Variants in GGA3 observed in about 807,000 individuals in gnomAD.
The protein encoded by GGA3 is golgi associated, gamma adaptin ear containing, ARF binding protein 3, also known as ADP-ribosylation factor-binding protein GGA3.
GGA3 carries 57 observed loss-of-function variants against 77.5 expected under a neutral mutation model. That is an observed-to-expected ratio of 0.74 (90% CI 0.59 to 0.92). The LOEUF (loss-of-function observed/expected upper bound fraction) is 0.92. Among genes scored for constraint, GGA3 ranks in the 40% least tolerant of loss-of-function variants. The probability of loss-of-function intolerance (pLI) is 0.00; values close to 1 mark genes in which losing one functional copy is unlikely to be tolerated. For missense variants in GGA3, 970 were observed against 914.9 expected (o/e 1.06, Z -0.78); for synonymous variants, 416 against 383.7 (o/e 1.08, Z -0.98).
intron 12 of GGA3, 65 bp from the exon 13 acceptor site, chr17:75,240,173 C>A (rs1056657482): frequency 1.5e-6 from 2 of 1,328,524 alleles, no homozygotes; most frequent in Admixed American, 4.0e-5. Context: ...TGGAACGGGG[C>A]GCAGCCCTCC....
In GGA3 at chr17:75,238,900, G is replaced by A. The variant is rs922980600; in HGVS notation, c.1950+14C>T. The A allele has an allele frequency of 6.2e-7, 1 of 1,612,874 alleles. No homozygotes were observed. Among genetic ancestry groups the A allele is most frequent in the South Asian group, 1.1e-5 (1 of 91,012 alleles). On this transcript the variant is annotated intron_variant, in intron 15 of 16. Transcript: ENST00000537686. Reference sequence around the variant, plus strand: ...CAAGATAAGGCCGTTTTGGCCCCAGGGAGACACTGGTACCTTGGGCACTGC... The same window carrying A: ...CAAGATAAGGCCGTTTTGGCCCCAGAGAGACACTGGTACCTTGGGCACTGC...
chr17:75,247,066 A>C (rs1197315362), intron 1 of GGA3, among the ~76,000 whole-genome samples: 1 of 152,206 alleles, frequency 6.6e-6, no homozygotes, highest in Admixed American at 6.5e-5. Flanking sequence ...GAGTGGAATC[A>C]AGGTCAAAAG....
Position 75,241,602 on chromosome 17 carries a change from C to T in GGA3, c.829+13G>A, listed in dbSNP as rs779162117. ...ATGCCTGGCTTATCCCTGACCGTCG[C>T]TCTTTCACTCACCCAAACTGTTATC... On this transcript the variant is annotated intron_variant, in intron 9 of 16. Transcript: ENST00000537686. 11 of 1,613,158 alleles carry T rather than the reference C, an allele frequency of 6.8e-6. No homozygotes were observed. Among genetic ancestry groups the T allele is most frequent in the African/African-American group, 1.3e-5 (1 of 74,918 alleles).
chr17:75,261,651 G>A, upstream of GGA3: 2 of 1,438,380 alleles, frequency 1.4e-6, no homozygotes, highest in South Asian at 1.4e-5. Context: ...GAGACGGGGC[G>A]GGGCCTGCAT....
rs1306784909 is a variant in GGA3 at position 75,259,812 on chromosome 17, T to C, written c.40+1736A>G. ...ACTGTGAAGCTTATGTCTCTACAGA[T>C]ACCATGTGACTCCCCCCCACCAAGT... On this transcript the variant is annotated intron_variant, in intron 1 of 16. Transcript: ENST00000537686. 2.0e-5 allele frequency among the ~76,000 whole-genome samples: 3 copies of C among 152,154 alleles called. No individual in the cohort carries two copies. The East Asian group carries it at 5.8e-4, about 29-fold the overall frequency.
In GGA3 at chr17:75,238,095, T is replaced by C; in HGVS notation, c.*184A>G. 5 of 1,395,224 alleles carry C rather than the reference T, an allele frequency of 3.6e-6. No individual in the cohort carries two copies. Among genetic ancestry groups the C allele is most frequent in the Admixed American group, 3.1e-5 (1 of 32,560 alleles). The allele number at this position is 1,395,224 out of a possible 1,614,324, so 86.4% of individuals were successfully genotyped here. A position where few individuals can be genotyped will look rare whatever the true frequency, so the allele number is the denominator to read the frequency against. Reference sequence around the variant, plus strand: ...ACAGGTAGATAAAAACAGGTCCTTTTAGGGGCCAAAGGAGAGGTTATCACA... The same window carrying C: ...ACAGGTAGATAAAAACAGGTCCTTTCAGGGGCCAAAGGAGAGGTTATCACA... On this transcript the variant is annotated 3_prime_UTR_variant, in exon 17 of 17. Coordinates refer to ENST00000537686, the MANE Select transcript of GGA3 (RefSeq NM_138619.4).
rs745696384 is a variant in GGA3 at position 75,238,530 on chromosome 17, C to T, written c.2061+122G>A. The T allele has an allele frequency of 4.1e-6, 4 of 965,770 alleles. No homozygotes were observed. In the East Asian group the frequency reaches 9.7e-5, roughly 23 times the overall value. 59.8% of individuals were successfully genotyped at this position (965,770 alleles called of 1,614,324 possible). On this transcript the variant is annotated intron_variant, in intron 16 of 16. Transcript: ENST00000537686. ...CCATGCTCAGACACTTAACCTAAGG[C>T]AGCAAAGGGATGTGTCAATCCTACA...
intron 1 of GGA3, among the ~76,000 whole-genome samples, chr17:75,257,376 TGTTTACACTGCTG>T (rs2077193452): frequency 6.6e-6 from 1 of 150,896 alleles, no homozygotes; most frequent in Non-Finnish European, 1.5e-5. Context: ...GCCCTGCTCT[TGTTTACACTGCTG>T]GTTTACACTG....
chr17:75,258,161 T>TA (rs1037802272), intron 1 of GGA3, among the ~76,000 whole-genome samples: 4 of 152,212 alleles, frequency 2.6e-5, no homozygotes, highest in African/African-American at 9.6e-5. Context: ...GAACTAATGA[T>TA]AATCCACCAC....
chr17:75,250,225 C>T (rs2076913598), intron 1 of GGA3, among the ~76,000 whole-genome samples: 1 of 152,240 alleles, frequency 6.6e-6, no homozygotes, highest in South Asian at 2.1e-4. Flanking sequence ...CCGAGCTTCC[C>T]CTATAGACCT....
intron 13 of GGA3, 71 bp downstream of exon 13, chr17:75,239,718 C>A: frequency 6.4e-7 from 1 of 1,570,204 alleles, no homozygotes; most frequent in Non-Finnish European, 8.8e-7. Flanking sequence ...CCCACCCCTT[C>A]AAAGTTAGCT....
At chr17:75,260,697 A>T (rs563179626) in intron 1 of GGA3, among the ~76,000 whole-genome samples, 2 of 152,192 alleles carry the variant, frequency 1.3e-5, no homozygotes, top group African/African-American at 4.8e-5. Flanking sequence ...CACTTAAAGG[A>T]GGCTTCCAGG....
Position 75,237,721 on chromosome 17 carries a change from G to T in GGA3, c.*558C>A, listed in dbSNP as rs1598379286. On this transcript the variant is annotated 3_prime_UTR_variant, in exon 17 of 17. Coordinates refer to ENST00000537686, the MANE Select transcript of GGA3 (RefSeq NM_138619.4). ...GCTGTCCACCAGAGGCAGGGCTGGGGACTTTGCAGTATGCCAGTTCCTTAT... is the reference window on the plus strand; with the variant it reads ...GCTGTCCACCAGAGGCAGGGCTGGGTACTTTGCAGTATGCCAGTTCCTTAT... 2 of 1,441,416 alleles carry T rather than the reference G, an allele frequency of 1.4e-6. No individual in the cohort carries two copies. Among genetic ancestry groups the T allele is most frequent in the Non-Finnish European group, 1.8e-6 (2 of 1,100,322 alleles). 89.3% of individuals were successfully genotyped at this position (1,441,416 alleles called of 1,614,324 possible).
Position 75,237,405 on chromosome 17 carries a change from A to T in GGA3, c.*874T>A, listed in dbSNP as rs1387339049. On this transcript the variant is annotated 3_prime_UTR_variant, in exon 17 of 17. Transcript: ENST00000537686. ...AGGAGAGGGAGGCCAAAGCAGTAGG[A>T]TGTAGAGTGGCGGTAGATTCCAAGG... The T allele has an allele frequency of 7.7e-7, 1 of 1,298,112 alleles. No homozygotes were observed. Among genetic ancestry groups the T allele is most frequent in the Admixed American group, 2.0e-5 (1 of 50,712 alleles). 80.4% of individuals were successfully genotyped at this position (1,298,112 alleles called of 1,614,324 possible). A position where few individuals can be genotyped will look rare whatever the true frequency, so the allele number is the denominator to read the frequency against.
Position 75,242,586 on chromosome 17 carries a change from C to T in GGA3, c.610-113G>A. 3 of 1,283,936 alleles carry T rather than the reference C, an allele frequency of 2.3e-6. No homozygotes were observed. The South Asian group carries it at 3.8e-5, about 16-fold the overall frequency. 79.5% of individuals were successfully genotyped at this position (1,283,936 alleles called of 1,614,324 possible). A position where few individuals can be genotyped will look rare whatever the true frequency, so the allele number is the denominator to read the frequency against. ...AGTACAGACGCTCGGAAGCTCCTTT[C>T]AGTGTGGGGTGCCTGGGGCCCAGTC... is the stretch of plus-strand genomic sequence containing the variant. On this transcript the variant is annotated intron_variant, in intron 7 of 16. Coordinates refer to ENST00000537686, the MANE Select transcript of GGA3 (RefSeq NM_138619.4).
In GGA3 at chr17:75,239,367, A is replaced by G; in HGVS notation, c.1780+8T>C. On this transcript the variant is annotated splice_region_variant and intron_variant, in intron 14 of 16. Coordinates refer to ENST00000537686, the MANE Select transcript of GGA3 (RefSeq NM_138619.4). ...CCGCCCCACCCACCTCAATCCTCCA[A>G]CACCTACTAGGCTTGATCGATTCCA... is the stretch of plus-strand genomic sequence containing the variant. The G allele has an allele frequency of 6.5e-7, 1 of 1,532,458 alleles. No homozygotes were observed. 94.9% of individuals were successfully genotyped at this position (1,532,458 alleles called of 1,614,324 possible).
intron 1 of GGA3, among the ~76,000 whole-genome samples, chr17:75,258,823 G>C (rs2077243281): frequency 2.3e-5 from 1 of 43,636 alleles, no homozygotes; most frequent in African/African-American, 5.2e-5. Flanking sequence ...TCACCATCTA[G>C]TGTTTTTTTT....
At chr17:75,240,161 G>A (rs925088529) in intron 12 of GGA3, 53 bp from the exon 13 acceptor site, 10 of 1,303,858 alleles carry the variant, frequency 7.7e-6, no homozygotes, top group African/African-American at 7.4e-5. Flanking sequence ...AGGGCCTGCC[G>A]CTGGAACGGG....
In GGA3 at chr17:75,240,972, T is replaced by C. The variant is rs777651122; in HGVS notation, c.1032A>G (p.Pro344=). 2.5e-6 allele frequency: 4 copies of C among 1,613,940 alleles called. No homozygotes were observed. Among genetic ancestry groups the C allele is most frequent in the African/African-American group, 1.3e-5 (1 of 74,892 alleles). The change falls in exon 11 of 17, where the codon CCA becomes CCG. Residue 344 remains proline, a synonymous_variant. Coordinates refer to ENST00000537686, the MANE Select transcript of GGA3 (RefSeq NM_138619.4). Reference sequence around the variant, plus strand: ...TGCCTGAGGAGGGTGGAGTAGGTGCTGGGGCCAACACGGAGGACAAACTGT... The same window carrying C: ...TGCCTGAGGAGGGTGGAGTAGGTGCCGGGGCCAACACGGAGGACAAACTGT... ...TTNSLSSVLA[P]APTPPSSGIP...
Sources: gnomAD v4.1 joint callset for allele counts (sites outside exome capture counted in the v4.1 genomes callset) on GRCh38, gnomAD v4.1.1 for gene constraint, MANE v1.5 for transcripts, NCBI Gene and HGNC (gene_info 2026-07-23, HGNC 2026-07-21) for gene names.